EXT2: variants seen among roughly 807,000 people sequenced by gnomAD.
EXT2 encodes exostosin glycosyltransferase 2, also known as exostosin-2.
A neutral mutation model predicts 81.6 loss-of-function variants in EXT2; 53 were observed. The observed-to-expected ratio is 0.65, with a 90% CI of 0.52 to 0.82. The LOEUF is 0.82. Among genes scored for constraint, EXT2 ranks in the 40% least tolerant of loss-of-function variants. The probability of loss-of-function intolerance (pLI) is 0.00; values close to 1 mark genes in which losing one functional copy is unlikely to be tolerated. For missense variants in EXT2, 774 were observed against 910.2 expected (o/e 0.85, Z 1.93); for synonymous variants, 320 against 340.0 (o/e 0.94, Z 0.65).
chr11:44,129,382 C>T (rs1010841523), intron 6 of EXT2, among the ~76,000 whole-genome samples: 31 of 152,220 alleles, frequency 2.0e-4, no homozygotes, highest in African/African-American at 7.5e-4. Context: ...CCCATTTCTT[C>T]TTTCCTGGTG....
In EXT2 at chr11:44,250,798, A is replaced by G. The variant is rs565936321; in HGVS notation, c.*6511A>G. On this transcript the variant is annotated 3_prime_UTR_variant, in exon 14 of 14. Coordinates refer to ENST00000533608, the MANE Select transcript of EXT2 (RefSeq NM_207122.2). ...GTGTTTTCTATGTGGCTTAATTTCAATAGAAAGGGTTATATGCAACCCTGT... is the reference window on the plus strand; with the variant it reads ...GTGTTTTCTATGTGGCTTAATTTCAGTAGAAAGGGTTATATGCAACCCTGT... 1.3e-5 allele frequency among the ~76,000 whole-genome samples: 2 copies of G among 152,328 alleles called. No individual in the cohort carries two copies. The highest frequency in any genetic ancestry group is 2.1e-4 in the South Asian group (1 of 4,824).
rs527611153 is a variant in EXT2, at chr11:44,218,067, C to T, written c.1662+11108C>T. 4.3e-4 allele frequency among the ~76,000 whole-genome samples: 66 copies of T among 152,326 alleles called. 1 individual carries two copies. The highest frequency in any genetic ancestry group is 3.5e-3 in the Admixed American group (53 of 15,300). ...ATATTGATGCTCTCCCTTTTACAACCTGGGCATCTTGTAGGTGGTAGCACT... is the reference window on the plus strand; with the variant it reads ...ATATTGATGCTCTCCCTTTTACAACTTGGGCATCTTGTAGGTGGTAGCACT... On this transcript the variant is annotated intron_variant, in intron 10 of 13. Transcript: ENST00000533608.
intron 8 of EXT2, among the ~76,000 whole-genome samples, chr11:44,184,515 G>A (rs189485808): frequency 2.5e-4 from 38 of 152,298 alleles, no homozygotes; most frequent in African/African-American, 8.9e-4. Context: ...ACTTTGGGAG[G>A]CCGAGGGGGG....
chr11:44,171,238 G>A (rs950459512), intron 7 of EXT2, among the ~76,000 whole-genome samples: 3 of 152,180 alleles, frequency 2.0e-5, no homozygotes, highest in South Asian at 2.1e-4. Flanking sequence ...GATACTAATT[G>A]TAAGAGTATG....
intron 7 of EXT2, among the ~76,000 whole-genome samples, chr11:44,165,989 C>A (rs1954989318): frequency 6.6e-6 from 1 of 152,090 alleles, no homozygotes; most frequent in African/African-American, 2.4e-5. Context: ...GAAACTGTCC[C>A]AAATAAGTGA....
chr11:44,187,078 C>T (rs1196843994), intron 8 of EXT2, among the ~76,000 whole-genome samples: 1 of 148,922 alleles, frequency 6.7e-6, no homozygotes. Flanking sequence ...CCGTCCCTCC[C>T]TCCCTCCCTT....
At chr11:44,164,979 C>T (rs1021918931) in intron 7 of EXT2, among the ~76,000 whole-genome samples, 16 of 150,854 alleles carry the variant, frequency 1.1e-4, no homozygotes, top group Admixed American at 4.6e-4. Context: ...CCCGGGTTCA[C>T]GCCATTCTCC....
chr11:44,098,495 C>T (rs1045791924), intron 1 of EXT2, among the ~76,000 whole-genome samples: 1 of 151,824 alleles, frequency 6.6e-6, no homozygotes, highest in Non-Finnish European at 1.5e-5. Flanking sequence ...GAGTTCAAGA[C>T]GAGCCTGGCC....
Position 44,248,892 on chromosome 11 carries a change from A to G in EXT2, c.*4605A>G, listed in dbSNP as rs529031520. On this transcript the variant is annotated 3_prime_UTR_variant, in exon 14 of 14. Coordinates refer to ENST00000533608, the MANE Select transcript of EXT2 (RefSeq NM_207122.2). Reference sequence around the variant, plus strand: ...AGCTTCCAGGCCTCTTTCCTTTTCAAGAAATAGTTGAGTCACCAGCATCTG... The same window carrying G: ...AGCTTCCAGGCCTCTTTCCTTTTCAGGAAATAGTTGAGTCACCAGCATCTG... 1.3e-5 allele frequency among the ~76,000 whole-genome samples: 2 copies of G among 152,296 alleles called. No homozygotes were observed. The highest frequency in any genetic ancestry group is 3.9e-4 in the East Asian group (2 of 5,182).
chr11:44,096,366 C>T (rs1380552230), intron 1 of EXT2: 5 of 1,513,406 alleles, frequency 3.3e-6, no homozygotes, highest in Non-Finnish European at 4.4e-6. Context: ...ACTGGGTGGT[C>T]GGGGGCGTGT....
intron 9 of EXT2, among the ~76,000 whole-genome samples, chr11:44,204,145 TC>T (rs1955553945): frequency 6.6e-6 from 1 of 152,164 alleles, no homozygotes; most frequent in African/African-American, 2.4e-5. Context: ...ACCCTGAGCA[TC>T]CCTGAGATCC....
chr11:44,130,576 T>C (rs1479640936), intron 7 of EXT2, among the ~76,000 whole-genome samples: 1 of 152,210 alleles, frequency 6.6e-6, no homozygotes, highest in Non-Finnish European at 1.5e-5. Flanking sequence ...TTCCCTCTCT[T>C]CTGGAACATT....
chr11:44,119,161 T>TTC (rs1954275358), intron 4 of EXT2, among the ~76,000 whole-genome samples: 4 of 46,924 alleles, frequency 8.5e-5, no homozygotes, highest in Non-Finnish European at 2.0e-4. Context: ...TATATATATA[T>TTC]ATATATATAC....
In EXT2 at chr11:44,232,790, G is replaced by A. The variant is rs200224232; in HGVS notation, c.1806+294G>A. Among the ~76,000 whole-genome samples the A allele has an allele frequency of 5.1e-4, 78 of 152,200 alleles. 2 individuals carry two copies. In the East Asian group the frequency reaches 7.5e-3, roughly 15 times the overall value. Reference sequence around the variant, plus strand: ...CGTTTATTTATTTACTTACTTGTATGTATACACAGACAGTTGTAAATATTC... The same window carrying A: ...CGTTTATTTATTTACTTACTTGTATATATACACAGACAGTTGTAAATATTC... On this transcript the variant is annotated intron_variant, in intron 11 of 13. Coordinates refer to ENST00000533608, the MANE Select transcript of EXT2 (RefSeq NM_207122.2).
rs1050951082 is a variant in EXT2, at chr11:44,144,128, C to T, written c.1173+13990C>T. 7.1e-6 allele frequency: 6 copies of T among 843,214 alleles called. No individual in the cohort carries two copies. In the Admixed American group the frequency reaches 7.6e-5, roughly 11 times the overall value. 52.2% of individuals were successfully genotyped at this position (843,214 alleles called of 1,614,324 possible). A position where few individuals can be genotyped will look rare whatever the true frequency, so the allele number is the denominator to read the frequency against. On this transcript the variant is annotated intron_variant, in intron 7 of 13. Transcript: ENST00000533608. ...TTTCTTTCTCCTGGTTTTAGCATAG[C>T]AAACATGGAAAATCTCGCCCCAGGC...
At chr11:44,213,716 G>A (rs1394528512) in intron 10 of EXT2, among the ~76,000 whole-genome samples, 1 of 152,184 alleles carries the variant, frequency 6.6e-6, no homozygotes, top group Non-Finnish European at 1.5e-5. Context: ...AAAATGAACA[G>A]AGCTTCAGAG....
chr11:44,166,651 A>T (rs953718983), intron 7 of EXT2, among the ~76,000 whole-genome samples: 1 of 152,246 alleles, frequency 6.6e-6, no homozygotes, highest in South Asian at 2.1e-4. Flanking sequence ...CAGAGTAAGC[A>T]CATCTAGACT....
At chr11:44,184,520 G>C (rs560884972) in intron 8 of EXT2, among the ~76,000 whole-genome samples, 1 of 152,252 alleles carries the variant, frequency 6.6e-6, no homozygotes, top group South Asian at 2.1e-4. Flanking sequence ...GGGAGGCCGA[G>C]GGGGGTGGAT....
chr11:44,182,601 A>G (rs971564796), intron 8 of EXT2, among the ~76,000 whole-genome samples: 1 of 152,136 alleles, frequency 6.6e-6, no homozygotes, highest in African/African-American at 2.4e-5. Context: ...CTTCACCCAG[A>G]TTCTTCAGCT....
Sources: allele counts gnomAD v4.1 joint callset (sites outside exome capture counted in the v4.1 genomes callset), GRCh38; gene constraint gnomAD v4.1.1; transcripts MANE v1.5; gene names NCBI Gene and HGNC (gene_info 2026-07-23, HGNC 2026-07-21).